NBAS: variants seen among roughly 807,000 people sequenced by gnomAD.
NBAS encodes NBAS subunit of NRZ tethering complex.
Under a neutral mutation model 302.5 loss-of-function variants are expected in NBAS, and 219 were observed. That is an observed-to-expected ratio of 0.72 (90% CI 0.65 to 0.81). The LOEUF is 0.81. Ranked by LOEUF, NBAS falls within the 30% of genes least tolerant of loss-of-function variation. The probability of loss-of-function intolerance (pLI) is 0.00; values close to 1 mark genes in which losing one functional copy is unlikely to be tolerated. For missense variants in NBAS, 2,932 were observed against 2,841.6 expected (o/e 1.03, Z -0.72); for synonymous variants, 1,118 against 1,021.6 (o/e 1.09, Z -1.80).
At chr2:14,880,361 G>A in the NBAS span, among the ~76,000 whole-genome samples, 542 of 152,116 alleles carry the variant, frequency 3.6e-3, 5 homozygotes, top group African/African-American at 0.012. Flanking sequence ...AGCTTTAAAT[G>A]TTCTATCAAT....
the NBAS span, among the ~76,000 whole-genome samples, chr2:14,941,195 C>T: frequency 1.4e-3 from 207 of 152,172 alleles, no homozygotes; most frequent in African/African-American, 4.8e-3. Context: ...CTCATAACCA[C>T]CCACTTAGTA....
At chr2:14,981,812 A>G in the NBAS span, among the ~76,000 whole-genome samples, 8 of 152,188 alleles carry the variant, frequency 5.3e-5, no homozygotes, top group Admixed American at 5.2e-4. Context: ...GTAAGTGGGA[A>G]TAAAATATTG....
At chr2:14,994,667 C>T in the NBAS span, among the ~76,000 whole-genome samples, 1 of 152,214 alleles carries the variant, frequency 6.6e-6, no homozygotes, top group African/African-American at 2.4e-5. Flanking sequence ...GCCTCTAGCA[C>T]CTGTAGCCCT....
chr2:15,066,871 TAAAATC>T, the NBAS span, among the ~76,000 whole-genome samples: 1 of 151,976 alleles, frequency 6.6e-6, no homozygotes. Flanking sequence ...TCAAAGGAAA[TAAAATC>T]AGAATGTTGA....
chr2:14,799,237 T>TG, the NBAS span, among the ~76,000 whole-genome samples: 7 of 152,202 alleles, frequency 4.6e-5, no homozygotes, highest in South Asian at 2.1e-4. Context: ...TTGATCGGTA[T>TG]CAATCACAAA....
At chr2:15,045,628 G>T in the NBAS span, among the ~76,000 whole-genome samples, 1 of 152,030 alleles carries the variant, frequency 6.6e-6, no homozygotes, top group East Asian at 1.9e-4. Context: ...AAACACTTAG[G>T]TTGTTTCCAT....
chr2:15,279,968 T>C (rs1340417757), intron 42 of NBAS, among the ~76,000 whole-genome samples: 1 of 152,192 alleles, frequency 6.6e-6, no homozygotes, highest in African/African-American at 2.4e-5. Context: ...CTGTGGACTT[T>C]TCACTAATCA....
intron 23 of NBAS, among the ~76,000 whole-genome samples, 174 bp downstream of exon 23, chr2:15,424,141 A>T (rs893121849): frequency 6.6e-6 from 1 of 152,250 alleles, no homozygotes; most frequent in Non-Finnish European, 1.5e-5. Flanking sequence ...CCAAAACAAA[A>T]GCCACAAAAC....
At chr2:15,499,684 C>T (rs368928030) in intron 11 of NBAS, among the ~76,000 whole-genome samples, 26 of 152,032 alleles carry the variant, frequency 1.7e-4, no homozygotes, top group Non-Finnish European at 2.2e-4. Flanking sequence ...ATATGGGTGA[C>T]GAAATAATCT....
the NBAS span, among the ~76,000 whole-genome samples, chr2:15,080,924 C>T: frequency 6.6e-6 from 1 of 152,160 alleles, no homozygotes; most frequent in East Asian, 1.9e-4. Context: ...GTCACAAAGC[C>T]CACCCTTATC....
At chr2:15,363,946 A>G (rs928441125) in intron 32 of NBAS, among the ~76,000 whole-genome samples, 1 of 152,196 alleles carries the variant, frequency 6.6e-6, no homozygotes, top group African/African-American at 2.4e-5. Flanking sequence ...TGTGAATCAG[A>G]TCGCTCTAGG....
At chr2:14,881,579 A>G in the NBAS span, among the ~76,000 whole-genome samples, 1 of 152,218 alleles carries the variant, frequency 6.6e-6, no homozygotes, top group Admixed American at 6.5e-5. Flanking sequence ...TTCAAGAACC[A>G]TCTAAAGCAG....
the NBAS span, among the ~76,000 whole-genome samples, chr2:15,157,019 T>C: frequency 6.6e-6 from 1 of 152,180 alleles, no homozygotes; most frequent in East Asian, 1.9e-4. Flanking sequence ...TGAATAATTT[T>C]ACATGCAATG....
intron 35 of NBAS, among the ~76,000 whole-genome samples, chr2:15,332,269 T>C (rs1380374593): frequency 2.6e-5 from 4 of 152,174 alleles, no homozygotes; most frequent in Non-Finnish European, 5.9e-5. Flanking sequence ...CTTGTGTGGC[T>C]CTAAGAAGAG....
the NBAS span, among the ~76,000 whole-genome samples, chr2:15,097,841 T>A: frequency 3.5e-5 from 5 of 144,106 alleles, no homozygotes; most frequent in Non-Finnish European, 6.0e-5. Flanking sequence ...AGAGATTAAG[T>A]CAGATAATAT....
the NBAS span, among the ~76,000 whole-genome samples, chr2:14,895,521 A>G: frequency 0.015 from 2,215 of 152,216 alleles, 47 homozygotes; most frequent in African/African-American, 0.05. Context: ...GGTGGATCAC[A>G]AGGTCAGGAG....
At chr2:14,951,826 A>G in the NBAS span, among the ~76,000 whole-genome samples, 1 of 152,142 alleles carries the variant, frequency 6.6e-6, no homozygotes, top group Non-Finnish European at 1.5e-5. Context: ...AGAAAGGTAC[A>G]TGTGTGTCAA....
chr2:15,429,597 T>C (rs1186353803), intron 21 of NBAS, among the ~76,000 whole-genome samples: 1 of 152,142 alleles, frequency 6.6e-6, no homozygotes, highest in African/African-American at 2.4e-5. Context: ...GACTGATCAA[T>C]CAACAGCATC....
At chr2:15,326,571 T>C in intron 38 of NBAS, among the ~76,000 whole-genome samples, 1 of 152,126 alleles carries the variant, frequency 6.6e-6, no homozygotes, top group Non-Finnish European at 1.5e-5. Context: ...TAAAGAATAA[T>C]TAAACAGGGA....
Sources: gnomAD v4.1 joint callset for allele counts (sites outside exome capture counted in the v4.1 genomes callset) on GRCh38, gnomAD v4.1.1 for gene constraint, MANE v1.5 for transcripts, NCBI Gene and HGNC (gene_info 2026-07-23, HGNC 2026-07-21) for gene names.